Variants in RAB22A observed in about 807,000 individuals in gnomAD.
RAB22A encodes RAB22A, member RAS oncogene family.
A neutral mutation model predicts 30.2 loss-of-function variants in RAB22A; 13 were observed. That is an observed-to-expected ratio of 0.43 (90% confidence interval 0.28 to 0.68). The LOEUF is 0.68. Ranked by LOEUF, RAB22A falls within the 30% of genes least tolerant of loss-of-function variation. The pLI is 0.18. For missense variants in RAB22A, 177 were observed against 246.8 expected (o/e 0.72, Z 1.89); for synonymous variants, 89 against 87.2 (o/e 1.02, Z -0.11).
At chr20:58,313,136 T>C (rs369469306) in intron 2 of RAB22A, among the ~76,000 whole-genome samples, 4 of 152,114 alleles carry the variant, frequency 2.6e-5, no homozygotes, top group African/African-American at 9.7e-5. Flanking sequence ...AGGGTGTAGC[T>C]TCATGCATCT....
chr20:58,354,887 T>TGTTTCC (rs1987107599), intron 6 of RAB22A, among the ~76,000 whole-genome samples: 1 of 152,184 alleles, frequency 6.6e-6, no homozygotes, highest in Non-Finnish European at 1.5e-5. Flanking sequence ...GGAGCGCACA[T>TGTTTCC]TCTACAGAGG....
Position 58,323,870 on chromosome 20 carries a change from A to G in RAB22A, c.116+12748A>G, listed in dbSNP as rs142369337. Among the ~76,000 whole-genome samples the G allele has an allele frequency of 8.8e-3, 1,335 of 152,190 alleles. 54 individuals carry two copies. The highest frequency in any genetic ancestry group is 0.069 in the Admixed American group (1,052 of 15,294). ...TTTCTACATGTATTTGGCTAATCACATAATTATACTCTTTTATGTTAATGT... is the reference window on the plus strand; with the variant it reads ...TTTCTACATGTATTTGGCTAATCACGTAATTATACTCTTTTATGTTAATGT... On this transcript the variant is annotated intron_variant, in intron 2 of 6. Coordinates refer to ENST00000244040, the MANE Select transcript of RAB22A (RefSeq NM_020673.3).
chr20:58,338,049 C>T (rs1361035577), intron 2 of RAB22A, among the ~76,000 whole-genome samples: 1 of 151,176 alleles, frequency 6.6e-6, no homozygotes, highest in Admixed American at 6.6e-5. Flanking sequence ...TTTTTTGAGA[C>T]GGATCTCGCT....
intron 2 of RAB22A, among the ~76,000 whole-genome samples, chr20:58,332,335 T>C (rs1986675948): frequency 6.6e-6 from 1 of 152,196 alleles, no homozygotes. Flanking sequence ...GTTGGGCTCT[T>C]AACTGTGGAG....
intron 2 of RAB22A, among the ~76,000 whole-genome samples, chr20:58,317,887 A>G (rs1040405544): frequency 6.6e-6 from 1 of 151,826 alleles, no homozygotes; most frequent in Non-Finnish European, 1.5e-5. Context: ...TTTTAGAGAC[A>G]GGGTCTTGTT....
chr20:58,325,537 A>T (rs1388609124), intron 2 of RAB22A, among the ~76,000 whole-genome samples: 3 of 151,794 alleles, frequency 2.0e-5, no homozygotes, highest in Admixed American at 2.0e-4. Flanking sequence ...TTTTTTATAG[A>T]TCATTTCATC....
intron 2 of RAB22A, among the ~76,000 whole-genome samples, chr20:58,332,800 T>C (rs1986684837): frequency 6.6e-6 from 1 of 151,988 alleles, no homozygotes; most frequent in Admixed American, 6.6e-5. Flanking sequence ...AACTCCACAG[T>C]CTAGGTATAT....
At chr20:58,348,438 A>G (rs1166574098) in intron 3 of RAB22A, among the ~76,000 whole-genome samples, 1 of 152,198 alleles carries the variant, frequency 6.6e-6, no homozygotes, top group Non-Finnish European at 1.5e-5. Flanking sequence ...GCTTAGTATC[A>G]TCTAGAATTG....
At chr20:58,324,799 G>A (rs138039764) in intron 2 of RAB22A, among the ~76,000 whole-genome samples, 2,334 of 148,788 alleles carry the variant, frequency 0.016, 55 homozygotes, top group African/African-American at 0.051. Flanking sequence ...CCGGGGAGTC[G>A]GAGGTTGCAG....
intron 2 of RAB22A, among the ~76,000 whole-genome samples, chr20:58,319,126 T>C (rs1465369884): frequency 1.3e-5 from 2 of 152,046 alleles, no homozygotes; most frequent in African/African-American, 2.4e-5. Context: ...GTTTCTAGGA[T>C]GATTAGACTG....
At position 58,365,968 on chromosome 20, in the gene RAB22A, C is replaced by G. The variant is rs1342569333; in HGVS notation, c.*6265C>G. ...GTGAGTGGTGGCCCTATTTTTAAAC[C>G]ATTCGTTACGCTGTGTAGACAGAGC... On this transcript the variant is annotated 3_prime_UTR_variant, in exon 7 of 7. Coordinates refer to ENST00000244040, the MANE Select transcript of RAB22A (RefSeq NM_020673.3). The G allele has an allele frequency of 6.6e-6, 1 of 152,126 alleles. No individual in the cohort carries two copies. The highest frequency in any genetic ancestry group is 1.9e-4 in the East Asian group (1 of 5,194). The allele number at this position is 152,126 out of a possible 1,614,324, so 9.4% of individuals were successfully genotyped here.
chr20:58,329,987 A>T (rs531825524), intron 2 of RAB22A, among the ~76,000 whole-genome samples: 1 of 152,196 alleles, frequency 6.6e-6, no homozygotes, highest in Non-Finnish European at 1.5e-5. Context: ...TGTACTAAAC[A>T]TATATACAGA....
In RAB22A at chr20:58,361,995, ACCCT is replaced by A. The variant is rs1205662910; in HGVS notation, c.*2300_*2303del. 3.4e-5 allele frequency: 5 copies of A among 149,078 alleles called. No homozygotes were observed. The highest frequency in any genetic ancestry group is 7.5e-5 in the Non-Finnish European group (5 of 66,800). The allele number at this position is 149,078 out of a possible 1,614,324, so 9.2% of individuals were successfully genotyped here. ...CCCTTTGCTGATTTCATGATTTCTC[ACCCT>A]CCCTCCCATATGTAGGGTGTGATTC... is the stretch of plus-strand genomic sequence containing the variant. On this transcript the variant is annotated 3_prime_UTR_variant, in exon 7 of 7. Transcript: ENST00000244040.
intron 2 of RAB22A, among the ~76,000 whole-genome samples, chr20:58,328,417 C>G (rs994601423): frequency 6.6e-6 from 1 of 152,140 alleles, no homozygotes; most frequent in Non-Finnish European, 1.5e-5. Context: ...CTCCTGGACT[C>G]AAGCAATCCT....
intron 3 of RAB22A, among the ~76,000 whole-genome samples, chr20:58,344,249 T>A (rs1353103228): frequency 1.3e-5 from 2 of 152,234 alleles, no homozygotes; most frequent in East Asian, 3.8e-4. Flanking sequence ...GCTAACACAG[T>A]GCCTTGCAAT....
At chr20:58,351,549 C>T (rs1448493241) in intron 3 of RAB22A, among the ~76,000 whole-genome samples, 1 of 152,190 alleles carries the variant, frequency 6.6e-6, no homozygotes, top group Non-Finnish European at 1.5e-5. Flanking sequence ...CATGGTGGCT[C>T]ACGCCTGTAA....
rs1399158632 is a variant in RAB22A, at chr20:58,360,757, G to GGT, written c.*1055_*1056dup. The GGT allele has an allele frequency of 1.3e-5, 2 of 152,560 alleles. No homozygotes were observed. Among genetic ancestry groups the GGT allele is most frequent in the Non-Finnish European group, 2.9e-5 (2 of 68,040 alleles). 9.5% of individuals were successfully genotyped at this position (152,560 alleles called of 1,614,324 possible). On this transcript the variant is annotated 3_prime_UTR_variant, in exon 7 of 7. Coordinates refer to ENST00000244040, the MANE Select transcript of RAB22A (RefSeq NM_020673.3). ...CTCAAGCACATTGGTATTGTATAAA[G>GGT]GTATAGAGCACTTAGCTTACAATCT... is the stretch of plus-strand genomic sequence containing the variant.
chr20:58,324,923 C>A (rs1280934272), intron 2 of RAB22A, among the ~76,000 whole-genome samples: 1 of 131,172 alleles, frequency 7.6e-6, no homozygotes, highest in Admixed American at 7.7e-5. Flanking sequence ...CACCTGTAAT[C>A]CCAGCACTTT....
Position 58,360,513 on chromosome 20 carries a change from T to C in RAB22A, c.*810T>C, listed in dbSNP as rs1224420958. On this transcript the variant is annotated 3_prime_UTR_variant, in exon 7 of 7. Coordinates refer to ENST00000244040, the MANE Select transcript of RAB22A (RefSeq NM_020673.3). Reference sequence around the variant, plus strand: ...GTGGAAGTGAAGAAGGTGGTATAAATGCTGTCAATTTTTTTTTAACCCAAG... The same window carrying C: ...GTGGAAGTGAAGAAGGTGGTATAAACGCTGTCAATTTTTTTTTAACCCAAG... 6.7e-6 allele frequency: 1 copy of C among 148,862 alleles called. No individual in the cohort carries two copies. The highest frequency in any genetic ancestry group is 2.6e-5 in the African/African-American group (1 of 38,174). The allele number at this position is 148,862 out of a possible 1,614,324, so 9.2% of individuals were successfully genotyped here.
Sources: allele counts gnomAD v4.1 joint callset (sites outside exome capture counted in the v4.1 genomes callset), GRCh38; gene constraint gnomAD v4.1.1; transcripts MANE v1.5; gene names NCBI Gene and HGNC (gene_info 2026-07-23, HGNC 2026-07-21).